GPC5: variants seen among roughly 807,000 people sequenced by gnomAD.
The protein encoded by GPC5 is glypican-5.
A neutral mutation model predicts 53.9 loss-of-function variants in GPC5; 47 were observed. The observed-to-expected ratio is 0.87, with a 90% CI of 0.69 to 1.11. The LOEUF (loss-of-function observed/expected upper bound fraction) is 1.11. GPC5 is among the 50% of genes most tolerant of loss of function. GPC5 has a pLI of 0.00. For missense variants in GPC5, 748 were observed against 713.1 expected (o/e 1.05, Z -0.56); for synonymous variants, 286 against 263.3 (o/e 1.09, Z -0.84).
At chr13:92,405,323 G>T (rs1875746263) in intron 7 of GPC5, among the ~76,000 whole-genome samples, 4 of 152,106 alleles carry the variant, frequency 2.6e-5, no homozygotes, top group African/African-American at 7.2e-5. Flanking sequence ...AATGTGGGAG[G>T]AAACTAGAGT....
intron 7 of GPC5, among the ~76,000 whole-genome samples, chr13:92,412,820 A>G (rs910730768): frequency 2.6e-5 from 4 of 152,212 alleles, no homozygotes; most frequent in Non-Finnish European, 5.9e-5. Context: ...AGATAGATAC[A>G]TTAATATCTA....
At chr13:91,726,868 C>T (rs758388674) in intron 3 of GPC5, among the ~76,000 whole-genome samples, 2 of 152,206 alleles carry the variant, frequency 1.3e-5, no homozygotes, top group Admixed American at 6.5e-5. Context: ...GCAGCGCTTT[C>T]CCTGCTTGGA....
At chr13:92,453,970 A>G (rs975068319) in intron 7 of GPC5, among the ~76,000 whole-genome samples, 4 of 152,202 alleles carry the variant, frequency 2.6e-5, no homozygotes, top group African/African-American at 9.7e-5. Flanking sequence ...GATTTTATCC[A>G]TCTGGTACCA....
chr13:92,090,931 T>G (rs1267830929), intron 6 of GPC5, among the ~76,000 whole-genome samples: 1 of 152,236 alleles, frequency 6.6e-6, no homozygotes, highest in African/African-American at 2.4e-5. Context: ...GAAAAGAAAG[T>G]GAGACCATAG....
intron 6 of GPC5, among the ~76,000 whole-genome samples, chr13:91,936,467 T>C (rs1440617113): frequency 6.6e-6 from 1 of 152,082 alleles, no homozygotes; most frequent in Admixed American, 6.6e-5. Context: ...AAATTAATTT[T>C]GATGACCACA....
At chr13:92,075,820 T>A (rs995381382) in intron 6 of GPC5, among the ~76,000 whole-genome samples, 2 of 152,168 alleles carry the variant, frequency 1.3e-5, no homozygotes, top group African/African-American at 4.8e-5. Context: ...TAGTCTTAAT[T>A]TATAAATATA....
At chr13:91,786,045 G>C (rs1338693755) in intron 5 of GPC5, among the ~76,000 whole-genome samples, 1 of 152,104 alleles carries the variant, frequency 6.6e-6, no homozygotes, top group Non-Finnish European at 1.5e-5. Flanking sequence ...CACCCAGGCT[G>C]GAGTGTAGTG....
chr13:92,547,481 T>C (rs1475168811), intron 7 of GPC5, among the ~76,000 whole-genome samples: 3 of 152,176 alleles, frequency 2.0e-5, no homozygotes, highest in Admixed American at 2.0e-4. Context: ...GGAAGTCTCC[T>C]TCAGTGACTC....
At chr13:91,495,517 G>A (rs2139271351) in intron 2 of GPC5, among the ~76,000 whole-genome samples, 2 of 152,236 alleles carry the variant, frequency 1.3e-5, no homozygotes, top group Admixed American at 1.3e-4. Flanking sequence ...TCCTCACTCT[G>A]TCCCAGCAGC....
intron 7 of GPC5, among the ~76,000 whole-genome samples, chr13:92,191,547 C>T (rs539507896): frequency 2.0e-3 from 302 of 152,216 alleles, no homozygotes; most frequent in Middle Eastern, 6.8e-3. Flanking sequence ...AACTTATATC[C>T]ATATAGAAAG....
chr13:92,498,597 C>A (rs903190251), intron 7 of GPC5, among the ~76,000 whole-genome samples: 1 of 152,122 alleles, frequency 6.6e-6, no homozygotes, highest in African/African-American at 2.4e-5. Flanking sequence ...TGCCTGACCA[C>A]GACCTGATGG....
At chr13:92,558,536 T>C (rs903904940) in intron 7 of GPC5, among the ~76,000 whole-genome samples, 23 of 150,236 alleles carry the variant, frequency 1.5e-4, no homozygotes, top group African/African-American at 4.8e-4. Context: ...GTTTTCTCAG[T>C]TAGGGTTATG....
chr13:92,818,890 C>G (rs1451027242), intron 7 of GPC5, among the ~76,000 whole-genome samples: 2 of 151,958 alleles, frequency 1.3e-5, no homozygotes, highest in African/African-American at 4.8e-5. Flanking sequence ...CTTTCTAAAG[C>G]ACTGTAGACA....
At chr13:92,534,953 A>G (rs1388830565) in intron 7 of GPC5, among the ~76,000 whole-genome samples, 1 of 152,188 alleles carries the variant, frequency 6.6e-6, no homozygotes, top group African/African-American at 2.4e-5. Flanking sequence ...TACCTATGTA[A>G]TCATTTCCTT....
intron 5 of GPC5, among the ~76,000 whole-genome samples, chr13:91,795,239 A>G (rs1182520963): frequency 6.6e-6 from 1 of 152,164 alleles, no homozygotes; most frequent in East Asian, 1.9e-4. Flanking sequence ...TAGGGAACAG[A>G]TTTTATTTCT....
chr13:92,853,446 AC>A (rs1210252939), intron 7 of GPC5, among the ~76,000 whole-genome samples: 4 of 152,168 alleles, frequency 2.6e-5, no homozygotes, highest in African/African-American at 9.7e-5. Flanking sequence ...AGGGTTTGTC[AC>A]TATCCAAAGT....
intron 1 of GPC5, among the ~76,000 whole-genome samples, chr13:91,415,096 C>T (rs1234602228): frequency 2.0e-5 from 3 of 152,160 alleles, no homozygotes; most frequent in Non-Finnish European, 2.9e-5. Flanking sequence ...CCACCATGGG[C>T]CTTGAGCATC....
intron 7 of GPC5, among the ~76,000 whole-genome samples, chr13:92,584,997 C>T (rs1056533649): frequency 1.3e-5 from 2 of 151,702 alleles, no homozygotes; most frequent in Non-Finnish European, 2.9e-5. Flanking sequence ...GATGCCTAGG[C>T]AAAAGTTTGC....
chr13:92,253,780 TAAA>T (rs928880925), intron 7 of GPC5, among the ~76,000 whole-genome samples: 1 of 151,470 alleles, frequency 6.6e-6, no homozygotes, highest in African/African-American at 2.4e-5. Context: ...GCTGTAGAAA[TAAA>T]AAAAAGAAGG....
Sources: allele counts gnomAD v4.1 joint callset (sites outside exome capture counted in the v4.1 genomes callset), GRCh38; gene constraint gnomAD v4.1.1; transcripts MANE v1.5; gene names NCBI Gene and HGNC (gene_info 2026-07-23, HGNC 2026-07-21).